Variants in RIT2 observed in about 807,000 individuals in gnomAD.
The protein encoded by RIT2 is GTP-binding protein Rit2.
A neutral mutation model predicts 23.7 loss-of-function variants in RIT2; 24 were observed. That is an observed-to-expected ratio of 1.01 (90% CI 0.73 to 1.43). The LOEUF (loss-of-function observed/expected upper bound fraction) is 1.43, where lower values mean the gene tolerates loss of function less well. RIT2 is among the 40% of genes most tolerant of loss of function. The pLI is 0.00. For synonymous variants in RIT2, 107 were observed against 91.1 expected (o/e 1.17, Z -0.99); for missense variants, 236 against 266.9 (o/e 0.88, Z 0.81).
intron 4 of RIT2, among the ~76,000 whole-genome samples, chr18:42,756,992 A>T (rs1329565668): frequency 6.6e-6 from 1 of 152,160 alleles, no homozygotes; most frequent in Non-Finnish European, 1.5e-5. Context: ...TGCAGAATAT[A>T]AGATCAAGAA....
chr18:42,936,731 G>A (rs556733268), intron 3 of RIT2, among the ~76,000 whole-genome samples: 158 of 152,256 alleles, frequency 1.0e-3, no homozygotes, highest in South Asian at 2.9e-3. Flanking sequence ...GAGAATGTGG[G>A]CCAGGCACGG....
intron 1 of RIT2, among the ~76,000 whole-genome samples, chr18:43,063,174 G>A (rs1287555586): frequency 1.3e-5 from 2 of 152,198 alleles, no homozygotes; most frequent in Non-Finnish European, 2.9e-5. Context: ...GAGTAAAAAA[G>A]AGATAATACA....
At chr18:42,814,909 C>G (rs1213248858) in intron 4 of RIT2, among the ~76,000 whole-genome samples, 1 of 152,084 alleles carries the variant, frequency 6.6e-6, no homozygotes, top group Non-Finnish European at 1.5e-5. Flanking sequence ...GTGGCTAGAT[C>G]CAGAAGAGAG....
intron 4 of RIT2, among the ~76,000 whole-genome samples, chr18:42,796,427 C>T (rs1308896301): frequency 6.6e-6 from 1 of 151,596 alleles, no homozygotes; most frequent in African/African-American, 2.4e-5. Flanking sequence ...GGGTCCGCGG[C>T]TTCATTCTTG....
chr18:43,082,856 A>C (rs1169285557), intron 1 of RIT2, among the ~76,000 whole-genome samples: 2 of 152,184 alleles, frequency 1.3e-5, no homozygotes, highest in East Asian at 3.9e-4. Flanking sequence ...ACTCCTATTC[A>C]ACATAGTATT....
intron 1 of RIT2, among the ~76,000 whole-genome samples, chr18:43,044,095 T>C (rs533881537): frequency 5.9e-5 from 9 of 152,240 alleles, no homozygotes; most frequent in Admixed American, 4.6e-4. Flanking sequence ...ACAGGAGTGA[T>C]AGGATCTTTT....
chr18:42,764,165 C>A (rs1913368991), intron 4 of RIT2, among the ~76,000 whole-genome samples: 1 of 152,156 alleles, frequency 6.6e-6, no homozygotes, highest in Non-Finnish European at 1.5e-5. Context: ...GAGTTTCATT[C>A]CAAAGGAGAT....
intron 1 of RIT2, among the ~76,000 whole-genome samples, chr18:43,103,604 C>A (rs544708518): frequency 5.9e-5 from 9 of 152,136 alleles, no homozygotes; most frequent in Middle Eastern, 6.8e-3. Flanking sequence ...TATTAAAGAG[C>A]AAGAAGTATT....
At chr18:43,071,512 C>T (rs1401771593) in intron 1 of RIT2, among the ~76,000 whole-genome samples, 1 of 152,120 alleles carries the variant, frequency 6.6e-6, no homozygotes, top group Non-Finnish European at 1.5e-5. Context: ...AATATATCTA[C>T]CCTACTGGAG....
At chr18:43,083,613 AAAAC>A (rs1208463195) in intron 1 of RIT2, among the ~76,000 whole-genome samples, 1 of 152,140 alleles carries the variant, frequency 6.6e-6, no homozygotes, top group Non-Finnish European at 1.5e-5. Context: ...AAACCTGACA[AAAAC>A]AAACAAGCAA....
chr18:42,789,293 T>A (rs984305458), intron 4 of RIT2, among the ~76,000 whole-genome samples: 1 of 152,208 alleles, frequency 6.6e-6, no homozygotes, highest in African/African-American at 2.4e-5. Context: ...AGGTCTTGAT[T>A]ATCACCGTGG....
chr18:43,073,207 A>G (rs866851167), intron 1 of RIT2, among the ~76,000 whole-genome samples: 22 of 152,300 alleles, frequency 1.4e-4, no homozygotes, highest in Middle Eastern at 6.8e-3. Context: ...ACAGCTCATC[A>G]TCTCATTGGT....
At chr18:42,834,339 T>C (rs1303308782) in intron 4 of RIT2, among the ~76,000 whole-genome samples, 2 of 152,158 alleles carry the variant, frequency 1.3e-5, no homozygotes, top group Admixed American at 6.5e-5. Context: ...ACATGGACAA[T>C]TCGTATAAAC....
intron 4 of RIT2, among the ~76,000 whole-genome samples, chr18:42,761,205 T>G (rs1244545217): frequency 6.6e-6 from 1 of 152,208 alleles, no homozygotes; most frequent in Non-Finnish European, 1.5e-5. Context: ...TCCTGTTTTA[T>G]CCCTTTAGCT....
At chr18:43,083,578 C>T (rs1913209654) in intron 1 of RIT2, among the ~76,000 whole-genome samples, 1 of 152,074 alleles carries the variant, frequency 6.6e-6, no homozygotes. Flanking sequence ...TAGCACCATA[C>T]ATCTACAACC....
intron 2 of RIT2, among the ~76,000 whole-genome samples, chr18:43,020,484 TAAAAC>T (rs771268336): frequency 6.6e-6 from 1 of 151,630 alleles, no homozygotes; most frequent in East Asian, 1.9e-4. Context: ...AGACTCTGTC[TAAAAC>T]AAAACAAAAC....
chr18:43,052,584 G>A (rs1478785790), intron 1 of RIT2, among the ~76,000 whole-genome samples: 1 of 151,966 alleles, frequency 6.6e-6, no homozygotes, highest in Admixed American at 6.6e-5. Context: ...GAATTTGAAC[G>A]AAAAAGTCCA....
intron 4 of RIT2, among the ~76,000 whole-genome samples, chr18:42,809,878 T>C (rs919355625): frequency 2.1e-5 from 3 of 143,808 alleles, no homozygotes; most frequent in Non-Finnish European, 4.5e-5. Context: ...TATATATAAT[T>C]TGTATATATG....
At chr18:43,016,146 G>T (rs1348550548) in intron 2 of RIT2, among the ~76,000 whole-genome samples, 10 of 151,900 alleles carry the variant, frequency 6.6e-5, no homozygotes. Context: ...AAATAGTCAA[G>T]TAAGCATGAA....
Sources: gnomAD v4.1 joint callset for allele counts (sites outside exome capture counted in the v4.1 genomes callset) on GRCh38, gnomAD v4.1.1 for gene constraint, MANE v1.5 for transcripts, NCBI Gene and HGNC (gene_info 2026-07-23, HGNC 2026-07-21) for gene names.